Variants in ADAM12 observed in about 807,000 individuals in gnomAD.
The protein encoded by ADAM12 is ADAM metallopeptidase domain 12.
A neutral mutation model predicts 106.4 loss-of-function variants in ADAM12; 70 were observed. The observed-to-expected ratio is 0.66, with a 90% CI of 0.54 to 0.80. The LOEUF is 0.80. ADAM12 is among the 30% of genes least tolerant of loss of function. The probability of loss-of-function intolerance (pLI) is 0.00; values close to 1 mark genes in which losing one functional copy is unlikely to be tolerated. For missense variants in ADAM12, 1,010 were observed against 1,171.9 expected (o/e 0.86, Z 2.02); for synonymous variants, 420 against 433.5 (o/e 0.97, Z 0.39).
chr10:126,193,943 T>TAAAATAAAATAAAATAAAATA (rs1256501150), intron 3 of ADAM12, among the ~76,000 whole-genome samples: 1 of 146,214 alleles, frequency 6.8e-6, no homozygotes, highest in African/African-American at 2.6e-5. Flanking sequence ...TAAAATAAAA[T>TAAAATAAAATAAAATAAAATA]AAACATGTGA....
At chr10:126,140,785 T>C (rs533852301) in intron 4 of ADAM12, among the ~76,000 whole-genome samples, 1 of 152,378 alleles carries the variant, frequency 6.6e-6, no homozygotes, top group East Asian at 1.9e-4. Flanking sequence ...AAAACACAGA[T>C]AATTTCGCAA....
At chr10:126,067,021 C>G (rs1954885700) in intron 12 of ADAM12, 1 of 524,210 alleles carries the variant, frequency 1.9e-6, no homozygotes, top group Non-Finnish European at 3.5e-6. Context: ...AAGCCAGTAG[C>G]ACACAAGTGC....
chr10:126,171,514 C>T (rs1158147871), intron 3 of ADAM12, among the ~76,000 whole-genome samples: 1 of 152,208 alleles, frequency 6.6e-6, no homozygotes, highest in African/African-American at 2.4e-5. Context: ...TTTTAAAAAG[C>T]TGCTGGCATT....
intron 2 of ADAM12, among the ~76,000 whole-genome samples, chr10:126,297,839 A>C (rs1387358372): frequency 6.6e-6 from 1 of 152,224 alleles, no homozygotes; most frequent in African/African-American, 2.4e-5. Context: ...GTCCCACTCA[A>C]GGAATCTGCA....
At chr10:126,209,304 T>G (rs1957856786) in intron 3 of ADAM12, among the ~76,000 whole-genome samples, 1 of 152,226 alleles carries the variant, frequency 6.6e-6, no homozygotes, top group African/African-American at 2.4e-5. Context: ...TTTAGACACC[T>G]CTATAAAATT....
intron 4 of ADAM12, among the ~76,000 whole-genome samples, chr10:126,147,112 G>T (rs953437246): frequency 5.3e-5 from 8 of 152,194 alleles, no homozygotes; most frequent in African/African-American, 1.9e-4. Context: ...CTTACCTGAT[G>T]GTCCAGCCTC....
intron 3 of ADAM12, among the ~76,000 whole-genome samples, chr10:126,185,622 C>A (rs1228301314): frequency 6.6e-6 from 1 of 151,560 alleles, no homozygotes; most frequent in Non-Finnish European, 1.5e-5. Flanking sequence ...GTTTGACAAG[C>A]AACAGTGCAT....
At chr10:126,213,694 C>G (rs1277322533) in intron 3 of ADAM12, among the ~76,000 whole-genome samples, 2 of 152,170 alleles carry the variant, frequency 1.3e-5, no homozygotes, top group Non-Finnish European at 2.9e-5. Flanking sequence ...AAACTAATTA[C>G]TGTTATAAGT....
chr10:126,096,296 A>G (rs1955557698), intron 10 of ADAM12, among the ~76,000 whole-genome samples: 2 of 152,196 alleles, frequency 1.3e-5, no homozygotes, highest in African/African-American at 4.8e-5. Context: ...TAGTTGCCAG[A>G]TTGTTTTACA....
At chr10:126,091,652 T>C (rs1196163201) in intron 11 of ADAM12, among the ~76,000 whole-genome samples, 1 of 152,184 alleles carries the variant, frequency 6.6e-6, no homozygotes, top group Non-Finnish European at 1.5e-5. Flanking sequence ...CTCTTAACAA[T>C]ACCATTTCTA....
At chr10:126,130,191 T>G (rs1218861938) in intron 5 of ADAM12, among the ~76,000 whole-genome samples, 1 of 151,910 alleles carries the variant, frequency 6.6e-6, no homozygotes, top group Non-Finnish European at 1.5e-5. Context: ...TAGTTGCATT[T>G]TTTTTTTTCC....
intron 3 of ADAM12, among the ~76,000 whole-genome samples, chr10:126,207,256 A>C (rs1026376464): frequency 6.6e-6 from 1 of 152,226 alleles, no homozygotes; most frequent in South Asian, 2.1e-4. Context: ...CAGGACACAG[A>C]AAAGGGAAAG....
At position 126,079,512 on chromosome 10, in the gene ADAM12, C is replaced by T. The variant is rs145268962; in HGVS notation, c.1146-7858G>A. On this transcript the variant is annotated intron_variant, in intron 11 of 22. Transcript: ENST00000448723. Reference sequence around the variant, plus strand: ...TGGTAGCATGCATCGGAACCTCATTCCTTCTTATGGCTGGATGATATTCCA... The same window carrying T: ...TGGTAGCATGCATCGGAACCTCATTTCTTCTTATGGCTGGATGATATTCCA... Among the ~76,000 whole-genome samples the T allele has an allele frequency of 4.7e-3, 716 of 152,314 alleles. 1 individual carries two copies. The highest frequency in any genetic ancestry group is 0.01 in the Middle Eastern group (3 of 294).
chr10:126,020,836 C>T (rs1387452857), intron 21 of ADAM12, among the ~76,000 whole-genome samples: 1 of 151,602 alleles, frequency 6.6e-6, no homozygotes, highest in Non-Finnish European at 1.5e-5. Context: ...ACTAAAAATA[C>T]CAAAAATTAG....
At chr10:126,082,724 T>C (rs1286841351) in intron 11 of ADAM12, among the ~76,000 whole-genome samples, 1 of 152,158 alleles carries the variant, frequency 6.6e-6, no homozygotes, top group Non-Finnish European at 1.5e-5. Flanking sequence ...CAAAAACAAC[T>C]TAGCCATTCT....
At chr10:126,018,713 A>AC (rs1366056597) in intron 22 of ADAM12, among the ~76,000 whole-genome samples, 1 of 151,964 alleles carries the variant, frequency 6.6e-6, no homozygotes, top group African/African-American at 2.4e-5. Flanking sequence ...GCTCCCCTAC[A>AC]CCATGGGGTT....
At position 126,140,052 on chromosome 10, in the gene ADAM12, G is replaced by A. The variant is rs1191135767; in HGVS notation, c.340-4392C>T. Among the ~76,000 whole-genome samples the A allele has an allele frequency of 2.6e-5, 4 of 152,158 alleles. No individual in the cohort carries two copies. In the East Asian group the frequency reaches 7.7e-4, roughly 29 times the overall value. Reference sequence around the variant, plus strand: ...GTAGGGATTTTAGCCCTGGGCACACGGCAGGCATCAAAGCGGAAGACAATG... The same window carrying A: ...GTAGGGATTTTAGCCCTGGGCACACAGCAGGCATCAAAGCGGAAGACAATG... On this transcript the variant is annotated intron_variant, in intron 4 of 22. Transcript: ENST00000448723.
chr10:126,269,003 A>T (rs1345871781), intron 3 of ADAM12, among the ~76,000 whole-genome samples: 2 of 152,232 alleles, frequency 1.3e-5, no homozygotes, highest in Non-Finnish European at 2.9e-5. Flanking sequence ...AGCAGCCCCG[A>T]GAACCGCTGG....
At chr10:126,214,768 CTAGT>C (rs1957958133) in intron 3 of ADAM12, among the ~76,000 whole-genome samples, 1 of 152,164 alleles carries the variant, frequency 6.6e-6, no homozygotes, top group Non-Finnish European at 1.5e-5. Context: ...GCTTGGAGTC[CTAGT>C]TAATCACAGG....
Sources: gnomAD v4.1 joint callset for allele counts (sites outside exome capture counted in the v4.1 genomes callset) on GRCh38, gnomAD v4.1.1 for gene constraint, MANE v1.5 for transcripts, NCBI Gene and HGNC (gene_info 2026-07-23, HGNC 2026-07-21) for gene names.